Variants in CDH23 observed in about 807,000 individuals in gnomAD.
CDH23 encodes cadherin-23.
A neutral mutation model predicts 317.1 loss-of-function variants in CDH23; 189 were observed. The ratio of observed to expected loss-of-function variants is 0.60; its 90% confidence interval spans 0.53 to 0.67. CDH23 has a LOEUF of 0.67. CDH23 is among the 30% of genes least tolerant of loss of function. The pLI is 0.00. For missense variants in CDH23, 4,401 were observed against 4,592.4 expected (o/e 0.96, Z 1.20); for synonymous variants, 1,839 against 1,876.8 (o/e 0.98, Z 0.52).
At chr10:71,493,710 G>A (rs7084749) in intron 3 of CDH23, among the ~76,000 whole-genome samples, 7,132 of 152,208 alleles carry the variant, frequency 0.047, 526 homozygotes, top group African/African-American at 0.16. Context: ...AACCTGTTCA[G>A]ATTTTTTTTC....
chr10:71,415,248 A>G (rs767245439), intron 1 of CDH23, among the ~76,000 whole-genome samples: 1 of 152,016 alleles, frequency 6.6e-6, no homozygotes, highest in South Asian at 2.1e-4. Context: ...GGAATGCACT[A>G]TCACACCTGG....
chr10:71,568,415 C>T (rs1044054182), intron 7 of CDH23, among the ~76,000 whole-genome samples: 1 of 152,192 alleles, frequency 6.6e-6, no homozygotes, highest in African/African-American at 2.4e-5. Context: ...TTTCCACCCA[C>T]CATAAAAATG....
rs752676744 is a variant in CDH23, at chr10:71,682,503, G to A, written c.1917G>A (p.Leu639=). Residue 639 remains leucine, a synonymous_variant, in exon 18 of 70, where the codon CTG becomes CTA. Coordinates refer to ENST00000224721, the MANE Select transcript of CDH23 (RefSeq NM_022124.6). ...YEQISNGLIY[L]TVMAMDAGNP... ...AGATATCCAATGGGCTGATTTATCTGACGGTCATGGCCATGGATGCTGGCA... is the reference window on the plus strand; with the variant it reads ...AGATATCCAATGGGCTGATTTATCTAACGGTCATGGCCATGGATGCTGGCA... 7 of 1,613,304 alleles carry A rather than the reference G, an allele frequency of 4.3e-6. No homozygotes were observed. Among genetic ancestry groups the A allele is most frequent in the Non-Finnish European group, 5.9e-6 (7 of 1,179,672 alleles).
intron 3 of CDH23, among the ~76,000 whole-genome samples, chr10:71,505,121 C>T (rs1853562501): frequency 6.6e-6 from 1 of 152,090 alleles, no homozygotes; most frequent in Admixed American, 6.5e-5. Context: ...AAGAAGCTTA[C>T]TGGGGAGGAG....
chr10:71,712,492 ATACTGT>A, intron 27 of CDH23, 167 bp from the exon 28 acceptor site: 1 of 632,122 alleles, frequency 1.6e-6, no homozygotes, highest in South Asian at 2.0e-5. Flanking sequence ...TAAGTATTTG[ATACTGT>A]TAGTGTTATT....
intron 38 of CDH23, among the ~76,000 whole-genome samples, chr10:71,771,451 G>T (rs1840682975): frequency 6.6e-6 from 1 of 152,198 alleles, no homozygotes; most frequent in Admixed American, 6.5e-5. Flanking sequence ...CAGCACCTCG[G>T]CAGGCTGGTG....
chr10:71,606,140 G>C (rs1263693417), intron 9 of CDH23, among the ~76,000 whole-genome samples: 1 of 152,212 alleles, frequency 6.6e-6, no homozygotes, highest in Non-Finnish European at 1.5e-5. Context: ...CCAGTTATTA[G>C]CAAATTAATC....
At chr10:71,463,308 G>C (rs78098972) in intron 3 of CDH23, among the ~76,000 whole-genome samples, 2,138 of 152,276 alleles carry the variant, frequency 0.014, 58 homozygotes, top group African/African-American at 0.049. Context: ...CACATGACAT[G>C]TGACATATGC....
rs528514006 is a variant in CDH23, at chr10:71,462,471, G to A, written c.145+16076G>A. On this transcript the variant is annotated intron_variant, in intron 3 of 69. Coordinates refer to ENST00000224721, the MANE Select transcript of CDH23 (RefSeq NM_022124.6). ...TGGGGCTTCTGAAGCCAGTGAACCC[G>A]CTGTCCTCAAGAGTGAATGGTCAAG... Among the ~76,000 whole-genome samples the A allele has an allele frequency of 4.6e-5, 7 of 152,206 alleles. No homozygotes were observed. The East Asian group carries it at 9.6e-4, about 21-fold the overall frequency.
intron 17 of CDH23, among the ~76,000 whole-genome samples, chr10:71,682,190 CT>C (rs879486193): frequency 1.3e-5 from 2 of 152,232 alleles, no homozygotes; most frequent in Admixed American, 1.3e-4. Context: ...CATCTCTGAG[CT>C]TGGTTTCTTC....
At chr10:71,475,535 C>T (rs978366249) in intron 3 of CDH23, among the ~76,000 whole-genome samples, 4 of 152,156 alleles carry the variant, frequency 2.6e-5, no homozygotes, top group Admixed American at 6.5e-5. Context: ...AGCCTTCAGG[C>T]GTGACAGATT....
chr10:71,400,130 C>T (rs1847713737), intron 1 of CDH23, among the ~76,000 whole-genome samples: 1 of 152,170 alleles, frequency 6.6e-6, no homozygotes, highest in Admixed American at 6.5e-5. Context: ...TGGTTCGAGG[C>T]CTCTAGCTTC....
chr10:71,419,556 C>T (rs1017040281), intron 1 of CDH23, among the ~76,000 whole-genome samples: 1 of 152,212 alleles, frequency 6.6e-6, no homozygotes, highest in Non-Finnish European at 1.5e-5. Flanking sequence ...TTCCCCCTAA[C>T]ATTTTAATTA....
chr10:71,738,473 G>A lies in CDH23; in HGVS notation c.4210-25G>A, dbSNP rs1266732258. ...GGCCAAGGAGGGGAAGGAGGCTGTA[G>A]GTCTCTGACCACGTTCACCCTCAGG... On this transcript the variant is annotated intron_variant, in intron 34 of 69. Transcript: ENST00000224721. 6 of 1,613,750 alleles carry A rather than the reference G, an allele frequency of 3.7e-6. No individual in the cohort carries two copies. In the African/African-American group the frequency reaches 4.0e-5, roughly 11 times the overall value.
chr10:71,399,064 C>G (rs745691168), intron 1 of CDH23, among the ~76,000 whole-genome samples: 26 of 152,210 alleles, frequency 1.7e-4, no homozygotes, highest in Admixed American at 1.4e-3. Flanking sequence ...ATAGCTCCCC[C>G]ACTCAACAAG....
chr10:71,540,398 G>A (rs1855921163), intron 6 of CDH23, among the ~76,000 whole-genome samples: 1 of 152,148 alleles, frequency 6.6e-6, no homozygotes, highest in Non-Finnish European at 1.5e-5. Flanking sequence ...TTACTAGACT[G>A]TGGTCAAGGA....
At position 71,566,851 on chromosome 10, in the gene CDH23, T is replaced by C. The variant is rs374531277; in HGVS notation, c.539T>C (p.Ile180Thr). 2 of 1,613,822 alleles carry C rather than the reference T, an allele frequency of 1.2e-6. No individual in the cohort carries two copies. The highest frequency in any genetic ancestry group is 1.7e-6 in the Non-Finnish European group (2 of 1,179,888). The change falls in exon 7 of 70, where the codon ATT (isoleucine) becomes ACT (threonine). Residue 180 changes from isoleucine to threonine, a missense_variant. Coordinates refer to ENST00000224721, the MANE Select transcript of CDH23 (RefSeq NM_022124.6). ...CAGCCCCCCTCCCAATTCTTCGCCATTGACAGCGCCCGCGGTATCGTCACA... is the reference window on the plus strand; with the variant it reads ...CAGCCCCCCTCCCAATTCTTCGCCACTGACAGCGCCCGCGGTATCGTCACA... The part of the protein sequence containing the change: ...SFQPPSQFFA[I>T]DSARGIVTVI...
At chr10:71,443,342 C>A (rs1849991215) in intron 2 of CDH23, among the ~76,000 whole-genome samples, 1 of 152,228 alleles carries the variant, frequency 6.6e-6, no homozygotes, top group Non-Finnish European at 1.5e-5. Context: ...TACAAGCACA[C>A]CGACGTCCCT....
intron 14 of CDH23, among the ~76,000 whole-genome samples, chr10:71,667,226 C>T (rs1424179273): frequency 2.6e-5 from 4 of 152,070 alleles, no homozygotes; most frequent in African/African-American, 4.8e-5. Context: ...TGATTGAGTG[C>T]GTGCCTGCCA....
Sources: gnomAD v4.1 joint callset for allele counts (sites outside exome capture counted in the v4.1 genomes callset) on GRCh38, gnomAD v4.1.1 for gene constraint, MANE v1.5 for transcripts, NCBI Gene and HGNC (gene_info 2026-07-23, HGNC 2026-07-21) for gene names.